Variants in ESYT2 observed in about 807,000 individuals in gnomAD.
ESYT2 encodes the protein extended synaptotagmin 2.
A neutral mutation model predicts 107.2 loss-of-function variants in ESYT2; 54 were observed. The observed-to-expected ratio is 0.50, with a 90% CI of 0.40 to 0.63. The LOEUF (loss-of-function observed/expected upper bound fraction) is 0.63. ESYT2 is among the 30% of genes least tolerant of loss of function. ESYT2 has a pLI of 0.00. For missense variants in ESYT2, 1,020 were observed against 1,094.5 expected, an observed-to-expected ratio of 0.93 and a Z score of 0.96; for synonymous variants, 491 against 434.1, an observed-to-expected ratio of 1.13 and a Z score of -1.63.
intron 1 of ESYT2, among the ~76,000 whole-genome samples, chr7:158,805,100 G>T (rs2279881): frequency 6.6e-6 from 1 of 152,056 alleles, no homozygotes; most frequent in African/African-American, 2.4e-5. Flanking sequence ...ACATCAGTGG[G>T]GATCTCTGCT....
intron 1 of ESYT2, among the ~76,000 whole-genome samples, chr7:158,799,806 T>C (rs889702025): frequency 6.6e-6 from 1 of 151,946 alleles, no homozygotes; most frequent in Non-Finnish European, 1.5e-5. Context: ...AGGGCCTGGA[T>C]ACTGGAGAAG....
At chr7:158,799,712 G>A (rs1397501115) in intron 1 of ESYT2, among the ~76,000 whole-genome samples, 1 of 152,164 alleles carries the variant, frequency 6.6e-6, no homozygotes, top group East Asian at 1.9e-4. Context: ...CCAGCTAAGA[G>A]ACACCTTTCC....
At chr7:158,764,626 G>C in intron 9 of ESYT2, 51 bp downstream of exon 9, 1 of 1,582,296 alleles carries the variant, frequency 6.3e-7, no homozygotes, top group South Asian at 1.2e-5. Flanking sequence ...TGGCCATCCC[G>C]CTCAGGGCTC....
At chr7:158,773,465 G>A (rs1010722976) in intron 6 of ESYT2, 69 bp from the exon 7 acceptor site, 3 of 1,515,416 alleles carry the variant, frequency 2.0e-6, no homozygotes, top group African/African-American at 1.4e-5. Context: ...GTGCACACAG[G>A]CTTGTTTCTT....
intron 2 of ESYT2, 76 bp from the exon 3 acceptor site, chr7:158,798,152 C>CTGTTT: frequency 6.6e-7 from 1 of 1,511,838 alleles, no homozygotes; most frequent in East Asian, 2.3e-5. Flanking sequence ...GTGAGAAACC[C>CTGTTT]TCGCAACAGA....
chr7:158,816,428 G>T (rs966881017), intron 1 of ESYT2, among the ~76,000 whole-genome samples: 1 of 152,214 alleles, frequency 6.6e-6, no homozygotes, highest in Non-Finnish European at 1.5e-5. Context: ...GGCCCCATGA[G>T]GATGAAAGCA....
chr7:158,824,552 T>C (rs964188905), intron 1 of ESYT2, among the ~76,000 whole-genome samples: 4 of 152,210 alleles, frequency 2.6e-5, no homozygotes, highest in African/African-American at 9.7e-5. Context: ...AGAAGGGCAA[T>C]GGGAAGAAAG....
chr7:158,788,427 A>G lies in ESYT2; in HGVS notation c.585-10T>C, dbSNP rs1179727194. On this transcript the variant is annotated splice_polypyrimidine_tract_variant and intron_variant, in intron 4 of 22. Coordinates refer to ENST00000275418, the MANE Select transcript of ESYT2 (RefSeq NM_001367773.1). ...ACAATTTCCTACAAAACTAACAAAA[A>G]ATTCTGCATTACATGATGTAAGTGA... is the stretch of plus-strand genomic sequence containing the variant. 2 of 1,604,324 alleles carry G rather than the reference A, an allele frequency of 1.2e-6. No individual in the cohort carries two copies. Among genetic ancestry groups the G allele is most frequent in the East Asian group, 4.5e-5 (2 of 44,784 alleles).
intron 16 of ESYT2, 21 bp downstream of exon 16, chr7:158,748,173 T>G (rs1272372633): frequency 6.2e-7 from 1 of 1,610,136 alleles, no homozygotes; most frequent in Non-Finnish European, 8.5e-7. Flanking sequence ...ATAAATTGGT[T>G]AAAAAATGCA....
rs1836809812 is a variant in ESYT2 at position 158,733,391 on chromosome 7, GA to G, written c.*815del. The G allele has an allele frequency of 6.6e-6, 1 of 152,166 alleles. No individual in the cohort carries two copies. Among genetic ancestry groups the G allele is most frequent in the Non-Finnish European group, 1.5e-5 (1 of 68,036 alleles). 9.4% of individuals were successfully genotyped at this position (152,166 alleles called of 1,614,324 possible). On this transcript the variant is annotated 3_prime_UTR_variant, in exon 23 of 23. Transcript: ENST00000275418. ...TTGAAAGTCTGCTCTTACAGTTGAG[GA>G]AAAGTACAAGGTGTCTGTATACTGT...
intron 21 of ESYT2, 122 bp from the exon 22 acceptor site, chr7:158,734,593 A>T: frequency 1.2e-6 from 1 of 820,294 alleles, no homozygotes; most frequent in Middle Eastern, 3.6e-4. Context: ...GTTTGAGACC[A>T]GCCTGGGCAA....
intron 1 of ESYT2, among the ~76,000 whole-genome samples, chr7:158,804,983 T>C (rs1440043212): frequency 1.3e-5 from 2 of 152,076 alleles, no homozygotes; most frequent in Non-Finnish European, 2.9e-5. Context: ...TGAGAAAAAG[T>C]ATTAGGGACA....
At chr7:158,798,480 C>T (rs139181688) in intron 2 of ESYT2, among the ~76,000 whole-genome samples, 11 of 151,722 alleles carry the variant, frequency 7.3e-5, no homozygotes, top group Non-Finnish European at 1.2e-4. Context: ...AACTCCATCT[C>T]TACTAAAAAT....
Position 158,803,601 on chromosome 7 carries a change from A to T in ESYT2, c.331-4529T>A, listed in dbSNP as rs142317146. On this transcript the variant is annotated intron_variant, in intron 1 of 22. Coordinates refer to ENST00000275418, the MANE Select transcript of ESYT2 (RefSeq NM_001367773.1). ...TTCTCTCTGAATATGAATTAAAGTC[A>T]GCGCAAATGGTCAGAAAGACTTGCA... Among the ~76,000 whole-genome samples, 383 of 152,356 alleles carry T rather than the reference A, an allele frequency of 2.5e-3. 3 individuals are homozygous for T. The highest frequency in any genetic ancestry group is 8.2e-3 in the African/African-American group (343 of 41,588).
chr7:158,813,210 A>T (rs962709552), intron 1 of ESYT2, among the ~76,000 whole-genome samples: 8 of 152,238 alleles, frequency 5.3e-5, no homozygotes, highest in African/African-American at 1.9e-4. Context: ...AATATATGAC[A>T]TTCTAGAAAG....
chr7:158,777,775 C>G (rs1245022940), intron 6 of ESYT2, among the ~76,000 whole-genome samples: 1 of 152,180 alleles, frequency 6.6e-6, no homozygotes, highest in Non-Finnish European at 1.5e-5. Context: ...CCATCTTACA[C>G]AGGCATGGTT....
intron 7 of ESYT2, among the ~76,000 whole-genome samples, chr7:158,770,659 C>T (rs1231748989): frequency 1.3e-5 from 2 of 152,066 alleles, no homozygotes; most frequent in African/African-American, 4.8e-5. Flanking sequence ...GGACTACAGG[C>T]GCCTGCCACC....
At chr7:158,751,454 A>G (rs920200809) in intron 14 of ESYT2, among the ~76,000 whole-genome samples, 1 of 152,242 alleles carries the variant, frequency 6.6e-6, no homozygotes, top group Non-Finnish European at 1.5e-5. Flanking sequence ...TAATAAAAAT[A>G]TAAGCGTTAA....
intron 8 of ESYT2, among the ~76,000 whole-genome samples, chr7:158,766,148 G>A (rs549443756): frequency 2.0e-4 from 31 of 151,812 alleles, no homozygotes; most frequent in Non-Finnish European, 3.5e-4. Flanking sequence ...CAGCCTGGGC[G>A]ACAGAGCGAG....
Sources: gnomAD v4.1 joint callset for allele counts (sites outside exome capture counted in the v4.1 genomes callset) on GRCh38, gnomAD v4.1.1 for gene constraint, MANE v1.5 for transcripts, NCBI Gene and HGNC (gene_info 2026-07-23, HGNC 2026-07-21) for gene names.